Variants in KCNH5 observed in about 807,000 individuals in gnomAD.
The protein encoded by KCNH5 is potassium voltage-gated channel subfamily H member 5.
Under a neutral mutation model 96.1 loss-of-function variants are expected in KCNH5, and 46 were observed. The observed-to-expected ratio is 0.48, with a 90% CI of 0.38 to 0.61. KCNH5 has a LOEUF of 0.61. KCNH5 is among the 20% of genes least tolerant of loss of function. The pLI, the probability that KCNH5 is intolerant of heterozygous loss-of-function variation, is 0.00. For synonymous variants in KCNH5, 439 were observed against 449.8 expected (o/e 0.98, Z 0.30); for missense variants, 907 against 1,225.8 (o/e 0.74, Z 3.88).
intron 8 of KCNH5, among the ~76,000 whole-genome samples, chr14:62,845,890 T>C (rs1445937637): frequency 6.6e-6 from 1 of 152,116 alleles, no homozygotes; most frequent in Non-Finnish European, 1.5e-5. Flanking sequence ...TGGTGTTGGT[T>C]TAAAGTAATG....
At chr14:62,751,350 T>C (rs559271153) in intron 10 of KCNH5, among the ~76,000 whole-genome samples, 2 of 152,218 alleles carry the variant, frequency 1.3e-5, no homozygotes, top group Middle Eastern at 3.4e-3. Context: ...CAAAACAGAA[T>C]AAGCACTCCA....
rs541439989 is a variant in KCNH5 at position 62,840,456 on chromosome 14, G to A, written c.1569+9197C>T. On this transcript the variant is annotated intron_variant, in intron 8 of 10. Coordinates refer to ENST00000322893, the MANE Select transcript of KCNH5 (RefSeq NM_139318.5). ...CAGACCCATGCCCAGGAGGGGACAT[G>A]GAGCAGCACCCCAGGCAGCTGGCAA... Among the ~76,000 whole-genome samples the A allele has an allele frequency of 5.3e-5, 8 of 152,080 alleles. No homozygotes were observed. In the East Asian group the frequency reaches 1.4e-3, roughly 26 times the overall value.
chr14:62,992,118 C>A (rs570595159), intron 4 of KCNH5, among the ~76,000 whole-genome samples: 5 of 151,846 alleles, frequency 3.3e-5, no homozygotes, highest in Non-Finnish European at 7.4e-5. Context: ...CTTAAGATAA[C>A]GGATTCCAAT....
chr14:62,894,244 T>A (rs1195348144), intron 7 of KCNH5, among the ~76,000 whole-genome samples: 1 of 152,200 alleles, frequency 6.6e-6, no homozygotes, highest in African/African-American at 2.4e-5. Context: ...ATAATATCTC[T>A]GAGATACGTT....
In KCNH5 at chr14:62,947,738, A is replaced by ACAC. The variant is rs540240631; in HGVS notation, c.1369+2394_1369+2395insGTG. 3.3e-4 allele frequency among the ~76,000 whole-genome samples: 48 copies of ACAC among 145,968 alleles called. No individual in the cohort carries two copies. The East Asian group carries it at 5.9e-3, about 18-fold the overall frequency. On this transcript the variant is annotated intron_variant, in intron 7 of 10. Coordinates refer to ENST00000322893, the MANE Select transcript of KCNH5 (RefSeq NM_139318.5). ...AGACACACACACACACACACACACAAAAACCGATGACCATGATCCAAAGGC... is the reference window on the plus strand; with the variant it reads ...AGACACACACACACACACACACACAACACAAACCGATGACCATGATCCAAAGGC...
At chr14:62,872,751 A>T (rs1221204749) in intron 7 of KCNH5, among the ~76,000 whole-genome samples, 1 of 152,170 alleles carries the variant, frequency 6.6e-6, no homozygotes, top group Non-Finnish European at 1.5e-5. Flanking sequence ...AATGAATAGA[A>T]ATTTGTGATG....
intron 6 of KCNH5, among the ~76,000 whole-genome samples, chr14:62,960,573 C>T (rs1448466220): frequency 1.3e-5 from 2 of 152,046 alleles, no homozygotes; most frequent in South Asian, 2.1e-4. Context: ...CAGTAATAAG[C>T]TCTGTTTCAT....
intron 7 of KCNH5, among the ~76,000 whole-genome samples, chr14:62,879,371 A>T (rs1356180132): frequency 6.6e-6 from 1 of 152,198 alleles, no homozygotes; most frequent in East Asian, 1.9e-4. Flanking sequence ...TACTCTAATT[A>T]TGTAATCATG....
At chr14:62,754,045 C>T (rs1285093494) in intron 10 of KCNH5, among the ~76,000 whole-genome samples, 1 of 151,996 alleles carries the variant, frequency 6.6e-6, no homozygotes, top group African/African-American at 2.4e-5. Flanking sequence ...CTTTTCAAGA[C>T]ATAGACAGTA....
intron 9 of KCNH5, among the ~76,000 whole-genome samples, chr14:62,787,940 C>T (rs181350252): frequency 1.1e-3 from 163 of 152,272 alleles, no homozygotes; most frequent in African/African-American, 3.7e-3. Context: ...ATCTACAAGA[C>T]GAATGCTGTT....
At chr14:62,808,219 G>A (rs1886807870) in intron 8 of KCNH5, among the ~76,000 whole-genome samples, 1 of 152,154 alleles carries the variant, frequency 6.6e-6, no homozygotes, top group African/African-American at 2.4e-5. Context: ...GAAGGCCTGG[G>A]AATGTGGATT....
chr14:62,921,900 T>C (rs1328546524), intron 7 of KCNH5, among the ~76,000 whole-genome samples: 3 of 152,096 alleles, frequency 2.0e-5, no homozygotes, highest in Non-Finnish European at 4.4e-5. Context: ...ACATAGGGGC[T>C]GGATTTTGAG....
chr14:63,018,754 C>T (rs1418092706), intron 1 of KCNH5, among the ~76,000 whole-genome samples: 6 of 152,000 alleles, frequency 3.9e-5, no homozygotes, highest in Non-Finnish European at 7.4e-5. Flanking sequence ...ATGTAATTCT[C>T]CTCAGAGGAA....
intron 10 of KCNH5, among the ~76,000 whole-genome samples, chr14:62,738,052 G>A (rs547486211): frequency 2.0e-4 from 30 of 151,930 alleles, no homozygotes; most frequent in Middle Eastern, 6.8e-3. Flanking sequence ...ATAACACTCC[G>A]GCATCACCAC....
intron 8 of KCNH5, among the ~76,000 whole-genome samples, chr14:62,811,937 C>G (rs1014792567): frequency 3.9e-5 from 6 of 152,112 alleles, no homozygotes; most frequent in Non-Finnish European, 5.9e-5. Context: ...CTTATTGAGC[C>G]TGCTCCCCTG....
intron 10 of KCNH5, among the ~76,000 whole-genome samples, chr14:62,765,903 A>G (rs1023703077): frequency 2.0e-5 from 3 of 152,214 alleles, no homozygotes; most frequent in Non-Finnish European, 1.5e-5. Context: ...AAGTGAAGAG[A>G]TAACTCACAG....
intron 10 of KCNH5, among the ~76,000 whole-genome samples, chr14:62,769,984 G>T (rs1485990385): frequency 6.6e-6 from 1 of 152,150 alleles, no homozygotes; most frequent in Non-Finnish European, 1.5e-5. Context: ...ATTATCTTTT[G>T]TTGCAAGTGT....
At chr14:62,858,101 G>C (rs1212726331) in intron 7 of KCNH5, among the ~76,000 whole-genome samples, 1 of 152,064 alleles carries the variant, frequency 6.6e-6, no homozygotes, top group Non-Finnish European at 1.5e-5. Context: ...TATTTTCTTA[G>C]TACAAGTATA....
chr14:62,822,510 A>C (rs1887135483), intron 8 of KCNH5, among the ~76,000 whole-genome samples: 1 of 152,144 alleles, frequency 6.6e-6, no homozygotes, highest in South Asian at 2.1e-4. Context: ...AAAGCATTTT[A>C]ACAGAGGAAA....
Sources: gnomAD v4.1 joint callset for allele counts (sites outside exome capture counted in the v4.1 genomes callset) on GRCh38, gnomAD v4.1.1 for gene constraint, MANE v1.5 for transcripts, NCBI Gene and HGNC (gene_info 2026-07-23, HGNC 2026-07-21) for gene names.